Variants in THSD7B observed in about 807,000 individuals in gnomAD.
THSD7B encodes thrombospondin type-1 domain-containing protein 7B.
Under a neutral mutation model 213.6 loss-of-function variants are expected in THSD7B, and 138 were observed. The ratio of observed to expected loss-of-function variants is 0.65; its 90% CI spans 0.56 to 0.74. The LOEUF is 0.74. Among genes scored for constraint, THSD7B ranks in the 30% least tolerant of loss-of-function variants. The pLI, the probability that THSD7B is intolerant of heterozygous loss-of-function variation, is 0.00. For missense variants in THSD7B, 1,931 were observed against 1,991.5 expected, an observed-to-expected ratio of 0.97 and a Z score of 0.58; for synonymous variants, 742 against 687.0, an observed-to-expected ratio of 1.08 and a Z score of -1.25.
At chr2:137,030,652 C>A (rs540272979) in intron 2 of THSD7B, among the ~76,000 whole-genome samples, 1 of 152,222 alleles carries the variant, frequency 6.6e-6, no homozygotes, top group East Asian at 1.9e-4. Flanking sequence ...GCCATTACTC[C>A]GAAGTTACTC....
rs3048465 is a variant in THSD7B at position 137,356,967 on chromosome 2, G to GACACACAC, written c.2501-48615_2501-48608dup. On this transcript the variant is annotated intron_variant, in intron 12 of 27. Coordinates refer to ENST00000409968, the MANE Select transcript of THSD7B (RefSeq NM_001316349.2). ...ACACATACACACACACACACACACAGACACACACACACACACACACACACA... is the reference window on the plus strand; with the variant it reads ...ACACATACACACACACACACACACAGACACACACACACACACACACACACACACACACA... 5.4e-3 allele frequency among the ~76,000 whole-genome samples: 764 copies of GACACACAC among 140,952 alleles called. 9 individuals carry two copies. Among genetic ancestry groups the GACACACAC allele is most frequent in the East Asian group, 0.024 (113 of 4,686 alleles). The allele number at this position is 140,952 out of a possible 152,430, so 92.5% of individuals were successfully genotyped here. A position where few individuals can be genotyped will look rare whatever the true frequency, so the allele number is the denominator to read the frequency against.
chr2:137,546,075 G>T (rs950091954), intron 15 of THSD7B, among the ~76,000 whole-genome samples: 2 of 150,490 alleles, frequency 1.3e-5, no homozygotes, highest in African/African-American at 2.4e-5. Flanking sequence ...GAAATGAGAG[G>T]ATTTCTAATT....
At chr2:137,040,975 T>C (rs1312461924) in intron 2 of THSD7B, among the ~76,000 whole-genome samples, 1 of 152,234 alleles carries the variant, frequency 6.6e-6, no homozygotes, top group East Asian at 1.9e-4. Flanking sequence ...AGAGTTCTAA[T>C]GGCATGTTAC....
chr2:137,004,126 G>A (rs1281287491), intron 2 of THSD7B, among the ~76,000 whole-genome samples: 1 of 152,136 alleles, frequency 6.6e-6, no homozygotes, highest in Non-Finnish European at 1.5e-5. Context: ...ATTGATACTT[G>A]TCTATGAAAT....
At chr2:137,095,861 C>CTA in intron 4 of THSD7B, among the ~76,000 whole-genome samples, 1 of 151,926 alleles carries the variant, frequency 6.6e-6, no homozygotes, top group Non-Finnish European at 1.5e-5. Context: ...GTGTGTGCTA[C>CTA]TATATATATT....
chr2:136,890,971 T>G (rs1683844839), intron 2 of THSD7B, among the ~76,000 whole-genome samples: 1 of 152,080 alleles, frequency 6.6e-6, no homozygotes, highest in South Asian at 2.1e-4. Context: ...ATTTCCATAT[T>G]TGTGTTTTGT....
chr2:137,355,593 C>T (rs1685108219), intron 12 of THSD7B, among the ~76,000 whole-genome samples: 1 of 152,090 alleles, frequency 6.6e-6, no homozygotes, highest in Non-Finnish European at 1.5e-5. Flanking sequence ...GATTAAAACA[C>T]AGGAGTATGC....
chr2:137,286,033 G>T (rs1683167810), intron 12 of THSD7B, among the ~76,000 whole-genome samples: 1 of 151,458 alleles, frequency 6.6e-6, no homozygotes, highest in East Asian at 1.9e-4. Flanking sequence ...GAACCCGGGA[G>T]GTGGAAGTTG....
chr2:137,150,964 GT>G (rs2104974590), intron 5 of THSD7B, among the ~76,000 whole-genome samples: 1 of 152,268 alleles, frequency 6.6e-6, no homozygotes, highest in Admixed American at 6.5e-5. Context: ...CGGCACATCT[GT>G]GTAGGGCACT....
chr2:137,120,990 C>T (rs1045695088), intron 5 of THSD7B, among the ~76,000 whole-genome samples: 69 of 152,234 alleles, frequency 4.5e-4, no homozygotes, highest in African/African-American at 1.4e-3. Flanking sequence ...AAAAGAAACA[C>T]GAAGTCAGAA....
intron 12 of THSD7B, among the ~76,000 whole-genome samples, chr2:137,324,221 C>T (rs1684319191): frequency 6.6e-6 from 1 of 152,108 alleles, no homozygotes; most frequent in Non-Finnish European, 1.5e-5. Flanking sequence ...GAAGCAGAGA[C>T]CAAGTTCTTT....
At chr2:137,392,196 C>T (rs1686046140) in intron 12 of THSD7B, among the ~76,000 whole-genome samples, 1 of 152,126 alleles carries the variant, frequency 6.6e-6, no homozygotes, top group African/African-American at 2.4e-5. Context: ...GTTCCATGTG[C>T]TGGTAAGAAT....
intron 15 of THSD7B, among the ~76,000 whole-genome samples, chr2:137,557,141 AAAGTT>A (rs1470973904): frequency 2.6e-5 from 4 of 152,342 alleles, no homozygotes; most frequent in African/African-American, 7.2e-5. Context: ...AACAAGACAG[AAAGTT>A]AAGAGGGATA....
chr2:136,834,570 G>A (rs1398581450), intron 1 of THSD7B, among the ~76,000 whole-genome samples: 1 of 152,094 alleles, frequency 6.6e-6, no homozygotes, highest in Non-Finnish European at 1.5e-5. Context: ...CAGCATCTCG[G>A]TGTCAGAGTT....
intron 1 of THSD7B, among the ~76,000 whole-genome samples, chr2:136,878,052 T>A (rs1057043433): frequency 2.0e-5 from 3 of 152,184 alleles, no homozygotes; most frequent in Non-Finnish European, 4.4e-5. Context: ...GTATATCTCC[T>A]AATGCTATCC....
chr2:136,780,924 G>C (rs1000247097), intron 1 of THSD7B, among the ~76,000 whole-genome samples: 1 of 152,140 alleles, frequency 6.6e-6, no homozygotes, highest in Non-Finnish European at 1.5e-5. Flanking sequence ...TTAGAAGGGG[G>C]TGGATAGCCG....
In THSD7B at chr2:137,282,863, A is replaced by G. The variant is rs1375591990; in HGVS notation, c.2500+6837A>G. Among the ~76,000 whole-genome samples the G allele has an allele frequency of 2.7e-4, 41 of 151,988 alleles. 1 individual carries two copies. The highest frequency in any genetic ancestry group is 2.3e-3 in the Admixed American group (35 of 15,246). The stretch of plus-strand genomic sequence containing the variant: ...TGATGCCTCCAGCTTTGTTCTTTTG[A>G]CTTAGGATTGACTTGGCAATGTGGG... On this transcript the variant is annotated intron_variant, in intron 12 of 27. Transcript: ENST00000409968.
At chr2:137,511,313 T>G (rs1679956973) in intron 15 of THSD7B, among the ~76,000 whole-genome samples, 1 of 152,240 alleles carries the variant, frequency 6.6e-6, no homozygotes, top group African/African-American at 2.4e-5. Context: ...TTCTACAGAC[T>G]GTTTTATTCC....
intron 12 of THSD7B, among the ~76,000 whole-genome samples, chr2:137,363,809 A>C (rs1163481720): frequency 2.6e-5 from 4 of 152,184 alleles, no homozygotes. Context: ...TAGTGGAGGT[A>C]TGAAGAAAGG....
Sources: gnomAD v4.1 joint callset for allele counts (sites outside exome capture counted in the v4.1 genomes callset) on GRCh38, gnomAD v4.1.1 for gene constraint, MANE v1.5 for transcripts, NCBI Gene and HGNC (gene_info 2026-07-23, HGNC 2026-07-21) for gene names.